The following MMP16 variants were observed in gnomAD, a reference collection of about 807,000 sequenced individuals.
The protein encoded by MMP16 is matrix metallopeptidase 16, also known as matrix metalloproteinase-16.
Under a neutral mutation model 67.8 loss-of-function variants are expected in MMP16, and 12 were observed. That is an observed-to-expected ratio of 0.18 (90% CI 0.11 to 0.29). The LOEUF (loss-of-function observed/expected upper bound fraction) is 0.29. MMP16 is among the 10% of genes least tolerant of loss of function. The pLI, the probability that MMP16 is intolerant of heterozygous loss-of-function variation, is 1.00. For missense variants in MMP16, 475 were observed against 765.7 expected (o/e 0.62, Z 4.48); for synonymous variants, 249 against 255.9 (o/e 0.97, Z 0.26).
At chr8:88,063,597 CAGATGT>C (rs1808428640) in intron 7 of MMP16, among the ~76,000 whole-genome samples, 1 of 149,628 alleles carries the variant, frequency 6.7e-6, no homozygotes, top group African/African-American at 2.5e-5. Flanking sequence ...TTATATTGTT[CAGATGT>C]ACCGGATCAG....
intron 1 of MMP16, among the ~76,000 whole-genome samples, chr8:88,264,551 A>G (rs953679773): frequency 2.0e-5 from 3 of 152,220 alleles, no homozygotes; most frequent in African/African-American, 4.8e-5. Context: ...TTTTTAAAGT[A>G]TTAGAAATAC....
At chr8:88,171,117 A>G (rs182389568) in intron 3 of MMP16, among the ~76,000 whole-genome samples, 1 of 152,350 alleles carries the variant, frequency 6.6e-6, no homozygotes, top group East Asian at 1.9e-4. Context: ...TTTGAGAAAA[A>G]TGAAGCAAAA....
At chr8:88,309,750 TTC>T (rs746003665) in intron 1 of MMP16, among the ~76,000 whole-genome samples, 1 of 152,120 alleles carries the variant, frequency 6.6e-6, no homozygotes, top group Non-Finnish European at 1.5e-5. Flanking sequence ...AGGTCTTGTA[TTC>T]TCTGTTTTTA....
rs1177690756 is a variant in MMP16 at position 88,208,843 on chromosome 8, G to GA, written c.133-11538dup. ...CAAAAAAAAAAAAAAAGGAAGAAAA[G>GA]AAAAAAAAATAAAAAGAGGAGAGGG... On this transcript the variant is annotated intron_variant, in intron 1 of 9. Transcript: ENST00000286614. Among the ~76,000 whole-genome samples the GA allele has an allele frequency of 1.2e-3, 175 of 140,018 alleles. 1 individual carries two copies. Among genetic ancestry groups the GA allele is most frequent in the Non-Finnish European group, 1.9e-3 (121 of 63,688 alleles). The allele number at this position is 140,018 out of a possible 152,430, so 91.9% of individuals were successfully genotyped here.
intron 1 of MMP16, among the ~76,000 whole-genome samples, chr8:88,234,423 C>G (rs1809909795): frequency 6.6e-6 from 1 of 152,072 alleles, no homozygotes; most frequent in African/African-American, 2.4e-5. Flanking sequence ...ACTTTTCTTC[C>G]CCTCTCATTC....
chr8:88,262,525 T>C (rs888731572), intron 1 of MMP16, among the ~76,000 whole-genome samples: 18 of 152,222 alleles, frequency 1.2e-4, no homozygotes, highest in Admixed American at 8.5e-4. Context: ...CTAGCAGTAT[T>C]GCTTACTACT....
chr8:88,269,310 C>T lies in MMP16; in HGVS notation c.132+57765G>A, dbSNP rs1196795021. ...TAAGGACACCATGGCCTGTCTTTCA[C>T]TGTGAATGACCTAAAACATAAAAAG... On this transcript the variant is annotated intron_variant, in intron 1 of 9. Transcript: ENST00000286614. Among the ~76,000 whole-genome samples, 4 of 152,288 alleles carry T rather than the reference C, an allele frequency of 2.6e-5. No individual in the cohort carries two copies. In the East Asian group the frequency reaches 7.7e-4, roughly 29 times the overall value.
intron 6 of MMP16, among the ~76,000 whole-genome samples, chr8:88,075,844 TAA>T (rs1161180128): frequency 1.3e-5 from 2 of 152,020 alleles, no homozygotes; most frequent in Non-Finnish European, 2.9e-5. Context: ...ACATATTATA[TAA>T]GTGATTTATT....
rs1348353808 is a variant in MMP16, at chr8:88,157,764, T to C, written c.709+9905A>G. Reference sequence around the variant, plus strand: ...GTATACGTGTGCCATGTTGGTGTGCTGCACCCATTAACTCGTCATTTACAT... The same window carrying C: ...GTATACGTGTGCCATGTTGGTGTGCCGCACCCATTAACTCGTCATTTACAT... On this transcript the variant is annotated intron_variant, in intron 4 of 9. Transcript: ENST00000286614. Among the ~76,000 whole-genome samples the C allele has an allele frequency of 3.9e-5, 6 of 152,292 alleles. No individual in the cohort carries two copies. In the South Asian group the frequency reaches 6.2e-4, roughly 16 times the overall value.
chr8:88,136,347 TC>T (rs1423882785), intron 4 of MMP16, among the ~76,000 whole-genome samples: 1 of 151,886 alleles, frequency 6.6e-6, no homozygotes, highest in Non-Finnish European at 1.5e-5. Context: ...GGTTCCCATG[TC>T]TTTCTCAATT....
chr8:88,155,519 G>A (rs1245330366), intron 4 of MMP16, among the ~76,000 whole-genome samples: 1 of 151,978 alleles, frequency 6.6e-6, no homozygotes, highest in Non-Finnish European at 1.5e-5. Flanking sequence ...TTTAGAATTG[G>A]ATATTTTTGC....
At chr8:88,074,859 T>A in intron 6 of MMP16, 116 bp from the exon 7 acceptor site, 1 of 1,319,044 alleles carries the variant, frequency 7.6e-7, no homozygotes, top group Non-Finnish European at 1.0e-6. Context: ...TGTCTTACAT[T>A]AAATCAGTCA....
At chr8:88,069,374 G>A (rs373417157) in intron 7 of MMP16, 25 of 470,162 alleles carry the variant, frequency 5.3e-5, no homozygotes. Context: ...TTCTTTGTTA[G>A]TATGTGATGG....
intron 7 of MMP16, among the ~76,000 whole-genome samples, chr8:88,062,424 C>T (rs921026583): frequency 1.3e-5 from 2 of 151,934 alleles, no homozygotes; most frequent in Non-Finnish European, 2.9e-5. Context: ...CCAACAATGA[C>T]AGACTGGATT....
intron 1 of MMP16, among the ~76,000 whole-genome samples, chr8:88,312,986 AC>A (rs111595835): frequency 0.12 from 18,209 of 152,044 alleles, 1,334 homozygotes; most frequent in South Asian, 0.19. Context: ...AAAAACAAAA[AC>A]AAAAAAAGGT....
At chr8:88,131,920 T>C (rs757779707) in intron 4 of MMP16, among the ~76,000 whole-genome samples, 11 of 151,880 alleles carry the variant, frequency 7.2e-5, no homozygotes, top group Non-Finnish European at 1.3e-4. Flanking sequence ...GGTTAACACA[T>C]GAGAATTGAA....
intron 3 of MMP16, among the ~76,000 whole-genome samples, chr8:88,170,843 G>T (rs144207036): frequency 6.6e-6 from 1 of 152,154 alleles, no homozygotes; most frequent in East Asian, 1.9e-4. Context: ...TGTGTCTGAT[G>T]GAAAAATGGA....
At chr8:88,061,584 C>G (rs1808400806) in intron 7 of MMP16, among the ~76,000 whole-genome samples, 1 of 151,934 alleles carries the variant, frequency 6.6e-6, no homozygotes, top group South Asian at 2.1e-4. Flanking sequence ...TGACACTAGG[C>G]TCATCAATAA....
intron 1 of MMP16, among the ~76,000 whole-genome samples, chr8:88,248,251 A>C (rs1478347267): frequency 6.6e-6 from 1 of 152,132 alleles, no homozygotes; most frequent in Non-Finnish European, 1.5e-5. Context: ...AAGCATATTG[A>C]ATATCATCAA....
Sources: gnomAD v4.1 joint callset for allele counts (sites outside exome capture counted in the v4.1 genomes callset) on GRCh38, gnomAD v4.1.1 for gene constraint, MANE v1.5 for transcripts, NCBI Gene and HGNC (gene_info 2026-07-23, HGNC 2026-07-21) for gene names.